The following UNC13A variants were observed in gnomAD, a reference collection of about 807,000 sequenced individuals.
The protein encoded by UNC13A is protein unc-13 homolog A.
Under a neutral mutation model 219.7 loss-of-function variants are expected in UNC13A, and 61 were observed. The ratio of observed to expected loss-of-function variants is 0.28; its 90% CI spans 0.23 to 0.34. UNC13A has a LOEUF of 0.34. UNC13A is among the 10% of genes least tolerant of loss of function. The probability of loss-of-function intolerance (pLI) is 1.00; values close to 1 mark genes in which losing one functional copy is unlikely to be tolerated. For missense variants in UNC13A, 1,476 were observed against 2,270.3 expected (o/e 0.65, Z 7.11); for synonymous variants, 920 against 884.6 (o/e 1.04, Z -0.71).
At position 17,622,504 on chromosome 19, in the gene UNC13A, GT is replaced by G. The variant is rs2076739010; in HGVS notation, c.4204-635del. ...TGGTTGGGTATGCTGCCACCAAGTG[GT>G]TATAGCCAAAGACCCAGGCTGCAGC... On this transcript the variant is annotated intron_variant, in intron 36 of 43. Coordinates refer to ENST00000519716, the MANE Select transcript of UNC13A (RefSeq NM_001080421.3). The G allele has an allele frequency of 2.0e-5, 3 of 152,648 alleles. 1 individual carries two copies. In the East Asian group the frequency reaches 5.8e-4, roughly 29 times the overall value. The allele number at this position is 152,648 out of a possible 1,614,324, so 9.5% of individuals were successfully genotyped here. A position where few individuals can be genotyped will look rare whatever the true frequency, so the allele number is the denominator to read the frequency against.
intron 16 of UNC13A, 112 bp from the exon 17 acceptor site, chr19:17,647,604 C>A: frequency 9.8e-7 from 1 of 1,025,178 alleles, no homozygotes; most frequent in Non-Finnish European, 1.4e-6. Flanking sequence ...GTGTCACCCC[C>A]TGAAGCCGGT....
rs373632554 is a variant in UNC13A, at chr19:17,621,990, T to G, written c.4204-120A>C. ...CCACACTGCACAGGGTACTGGTGAC[T>G]GGGTTGCATGGGGATAGTGTGTTTG... On this transcript the variant is annotated intron_variant, in intron 36 of 43. Transcript: ENST00000519716. The G allele has an allele frequency of 6.7e-4, 649 of 966,148 alleles. 1 individual carries two copies. Among genetic ancestry groups the G allele is most frequent in the Middle Eastern group, 6.4e-3 (28 of 4,406 alleles). 59.8% of individuals were successfully genotyped at this position (966,148 alleles called of 1,614,324 possible).
intron 35 of UNC13A, 80 bp downstream of exon 35, chr19:17,624,749 C>T (rs1039730866): frequency 7.3e-6 from 11 of 1,516,964 alleles, no homozygotes; most frequent in African/African-American, 6.9e-5. Context: ...TCTTACCCCC[C>T]AGCCTCTAGG....
chr19:17,641,801 T>G (rs1021224608), intron 20 of UNC13A, among the ~76,000 whole-genome samples: 1 of 151,308 alleles, frequency 6.6e-6, no homozygotes, highest in African/African-American at 2.4e-5. Context: ...TCCCATACAT[T>G]GATCCGCAAC....
chr19:17,612,071 A>T (rs1437852457), intron 41 of UNC13A: 1 of 486,312 alleles, frequency 2.1e-6, no homozygotes, highest in Non-Finnish European at 3.7e-6. Context: ...TCTTGGGTAG[A>T]TTGCTTAACC....
chr19:17,663,773 C>G (rs1024496860), intron 7 of UNC13A, among the ~76,000 whole-genome samples: 12 of 151,768 alleles, frequency 7.9e-5, no homozygotes, highest in African/African-American at 2.9e-4. Context: ...GGTGGGATAT[C>G]CCTGTTTGTT....
chr19:17,667,327 A>G (rs10426324), intron 6 of UNC13A, among the ~76,000 whole-genome samples: 127,203 of 151,788 alleles, frequency 0.84, 53,991 homozygotes, highest in Middle Eastern at 0.92. Context: ...GCAGGACAAG[A>G]GTGAAAAAAC....
chr19:17,618,782 C>T, intron 39 of UNC13A, 124 bp downstream of exon 39: 1 of 948,584 alleles, frequency 1.1e-6, no homozygotes, highest in African/African-American at 1.6e-5. Context: ...AGTAGAGTTT[C>T]TGTCCTTTGA....
chr19:17,614,928 G>C (rs556780394), intron 41 of UNC13A, among the ~76,000 whole-genome samples: 85 of 152,254 alleles, frequency 5.6e-4, no homozygotes, highest in African/African-American at 2.0e-3. Context: ...TCAGGTGAGG[G>C]GTCAGACCAA....
chr19:17,650,839 T>C (rs2079330773), intron 12 of UNC13A, among the ~76,000 whole-genome samples: 1 of 151,874 alleles, frequency 6.6e-6, no homozygotes, highest in Admixed American at 6.6e-5. Context: ...CAATCACGGC[T>C]CACTGTAGCC....
At chr19:17,650,088 A>G (rs551322859) in intron 12 of UNC13A, among the ~76,000 whole-genome samples, 1 of 152,280 alleles carries the variant, frequency 6.6e-6, no homozygotes, top group African/African-American at 2.4e-5. Context: ...CGTCTGTGGT[A>G]CTTTGTGACA....
intron 8 of UNC13A, among the ~76,000 whole-genome samples, chr19:17,660,518 T>C (rs562534519): frequency 5.7e-4 from 76 of 133,804 alleles, no homozygotes; most frequent in Non-Finnish European, 8.6e-4. Flanking sequence ...TTGTTTTGTT[T>C]GTTTGTTGGT....
chr19:17,658,286 G>A lies in UNC13A; in HGVS notation c.560-17C>T. 2 of 1,603,372 alleles carry A rather than the reference G, an allele frequency of 1.2e-6. No homozygotes were observed. The highest frequency in any genetic ancestry group is 1.7e-6 in the Non-Finnish European group (2 of 1,174,488). The stretch of plus-strand genomic sequence containing the variant: ...GGTCATCGTCTGGAAGAGAGAGGCG[G>A]TATGGGAAGAGGGTGAGGAAGAGAG... On this transcript the variant is annotated splice_polypyrimidine_tract_variant and intron_variant, in intron 8 of 43. Transcript: ENST00000519716.
At chr19:17,684,443 A>G (rs1242832697) in intron 1 of UNC13A, among the ~76,000 whole-genome samples, 1 of 152,318 alleles carries the variant, frequency 6.6e-6, no homozygotes, top group South Asian at 2.1e-4. Context: ...TGCCTGGTAT[A>G]CAGTAGGTGC....
At chr19:17,687,868 A>C (rs1362155425) in intron 1 of UNC13A, among the ~76,000 whole-genome samples, 1 of 151,978 alleles carries the variant, frequency 6.6e-6, no homozygotes, top group Non-Finnish European at 1.5e-5. Context: ...TGGTCTACAC[A>C]GACGCCCCAG....
intron 6 of UNC13A, among the ~76,000 whole-genome samples, chr19:17,667,603 A>G (rs1476742126): frequency 6.6e-6 from 1 of 151,746 alleles, no homozygotes; most frequent in Admixed American, 6.6e-5. Context: ...CCTCCCAAGG[A>G]GCTGGAATGA....
intron 12 of UNC13A, among the ~76,000 whole-genome samples, chr19:17,651,517 A>T (rs11672316): frequency 2.0e-5 from 3 of 152,014 alleles, no homozygotes; most frequent in South Asian, 2.1e-4. Context: ...TGAGCCACCA[A>T]GCCTGGCCCC....
At chr19:17,633,299 A>G (rs1440910174) in intron 26 of UNC13A, 106 bp from the exon 27 acceptor site, 2 of 1,109,052 alleles carry the variant, frequency 1.8e-6, no homozygotes, top group African/African-American at 3.1e-5. Flanking sequence ...GGGTAGAGGG[A>G]TTTGGGTTCA....
chr19:17,648,507 C>G lies in UNC13A; in HGVS notation c.1740G>C (p.Gln580His). 1.2e-6 allele frequency: 2 copies of G among 1,613,568 alleles called. No homozygotes were observed. The highest frequency in any genetic ancestry group is 1.7e-6 in the Non-Finnish European group (2 of 1,180,014). ...CEGLLWGIARQGMRCTECGVK... is the reference protein window; with the variant it reads ...CEGLLWGIARHGMRCTECGVK... The stretch of plus-strand genomic sequence containing the variant: ...CACCGCACTCGGTGCAGCGCATGCC[C>G]TGCCTCGCGATGCCCCACAGCAGCC... The change falls in exon 16 of 44, where the codon CAG (glutamine) becomes CAC (histidine). Residue 580 changes from glutamine to histidine, a missense_variant. Around this residue, in one of 14 missense-constraint regions of UNC13A, gnomAD observed 85 missense variants for 211.5 expected, o/e 0.40. Transcript: ENST00000519716.
Sources: gnomAD v4.1 joint callset for allele counts (sites outside exome capture counted in the v4.1 genomes callset) on GRCh38, gnomAD v4.1.1 for gene constraint, gnomAD v4.1.1 regional missense constraint, MANE v1.5 for transcripts, NCBI Gene and HGNC (gene_info 2026-07-23, HGNC 2026-07-21) for gene names.